The following RCHY1 variants were observed in gnomAD, a reference collection of about 807,000 sequenced individuals.
RCHY1 encodes ring finger and CHY zinc finger domain containing 1, also known as RING finger and CHY zinc finger domain-containing protein 1.
A neutral mutation model predicts 41.6 loss-of-function variants in RCHY1; 21 were observed. The observed-to-expected ratio is 0.51, with a 90% CI of 0.36 to 0.73. The LOEUF (loss-of-function observed/expected upper bound fraction) is 0.73, where lower values mean the gene tolerates loss of function less well. Among genes scored for constraint, RCHY1 ranks in the 30% least tolerant of loss-of-function variants. The pLI, the probability that RCHY1 is intolerant of heterozygous loss-of-function variation, is 0.00. For missense variants in RCHY1, 265 were observed against 325.3 expected, an observed-to-expected ratio of 0.81 and a Z score of 1.43; for synonymous variants, 79 against 102.9, an observed-to-expected ratio of 0.77 and a Z score of 1.41.
chr4:75,507,031 C>G (rs1003893521), intron 3 of RCHY1, among the ~76,000 whole-genome samples: 1 of 151,770 alleles, frequency 6.6e-6, no homozygotes, highest in Non-Finnish European at 1.5e-5. Flanking sequence ...ATTCTACACC[C>G]AGCAAAAATA....
intron 3 of RCHY1, among the ~76,000 whole-genome samples, chr4:75,502,581 C>A (rs1326089578): frequency 6.6e-6 from 1 of 152,104 alleles, no homozygotes; most frequent in African/African-American, 2.4e-5. Context: ...AGAAAATCTA[C>A]TTTTTCTTTA....
chr4:75,494,029 A>C, intron 4 of RCHY1, 72 bp downstream of exon 4: 1 of 886,672 alleles, frequency 1.1e-6, no homozygotes, highest in Non-Finnish European at 1.7e-6. Flanking sequence ...ATGCTTCCAA[A>C]ACATATTAGA....
At chr4:75,502,886 T>C (rs1723920561) in intron 3 of RCHY1, among the ~76,000 whole-genome samples, 1 of 152,096 alleles carries the variant, frequency 6.6e-6, no homozygotes, top group African/African-American at 2.4e-5. Flanking sequence ...ACATCATCTT[T>C]CCAGAAGGCA....
chr4:75,507,081 A>C (rs1344737210), intron 3 of RCHY1, among the ~76,000 whole-genome samples: 1 of 151,930 alleles, frequency 6.6e-6, no homozygotes, highest in Non-Finnish European at 1.5e-5. Flanking sequence ...TTTCAGAGAC[A>C]AAAAAAACTG....
chr4:75,495,622 A>G (rs1436177389), intron 3 of RCHY1, among the ~76,000 whole-genome samples: 1 of 152,030 alleles, frequency 6.6e-6, no homozygotes, highest in Non-Finnish European at 1.5e-5. Flanking sequence ...AGACAAGAAA[A>G]TATCTTATGG....
chr4:75,492,594 G>T (rs1049363760), intron 4 of RCHY1, among the ~76,000 whole-genome samples: 17 of 151,980 alleles, frequency 1.1e-4, no homozygotes, highest in African/African-American at 3.4e-4. Flanking sequence ...GGAGGTAAGG[G>T]AAAGCACTGT....
chr4:75,498,025 A>C (rs1229655128), intron 3 of RCHY1, among the ~76,000 whole-genome samples: 1 of 147,936 alleles, frequency 6.8e-6, no homozygotes, highest in Non-Finnish European at 1.5e-5. Context: ...GAGCAGAAAA[A>C]AATGAGAGTG....
At chr4:75,497,712 A>C (rs1329641868) in intron 3 of RCHY1, among the ~76,000 whole-genome samples, 1 of 152,130 alleles carries the variant, frequency 6.6e-6, no homozygotes, top group African/African-American at 2.4e-5. Flanking sequence ...AAGGAGGAGG[A>C]CCGAAAAAAC....
chr4:75,499,123 A>G (rs1260455262), intron 3 of RCHY1, among the ~76,000 whole-genome samples: 1 of 152,214 alleles, frequency 6.6e-6, no homozygotes, highest in Non-Finnish European at 1.5e-5. Flanking sequence ...AAAGACCTGT[A>G]CAGTAATTTC....
At chr4:75,490,335 G>A (rs1722631538) in intron 8 of RCHY1, among the ~76,000 whole-genome samples, 2 of 151,976 alleles carry the variant, frequency 1.3e-5, no homozygotes, top group African/African-American at 4.8e-5. Flanking sequence ...AATTCAGAAT[G>A]AAGTTTTTGC....
chr4:75,497,642 T>G (rs568688346), intron 3 of RCHY1, among the ~76,000 whole-genome samples: 1 of 152,146 alleles, frequency 6.6e-6, no homozygotes, highest in East Asian at 1.9e-4. Context: ...TAAGTTTAAT[T>G]TGTCTTAAGT....
At chr4:75,511,811 GA>G (rs750470842) in intron 1 of RCHY1, among the ~76,000 whole-genome samples, 144 of 128,558 alleles carry the variant, frequency 1.1e-3, no homozygotes, top group Middle Eastern at 3.8e-3. Context: ...TCAACAGACT[GA>G]AAAAAAAAAA....
chr4:75,485,915 T>C (rs553334665), intron 8 of RCHY1, among the ~76,000 whole-genome samples: 67 of 152,330 alleles, frequency 4.4e-4, no homozygotes, highest in Non-Finnish European at 8.2e-4. Context: ...GAGGTGTCTG[T>C]TGAATATAAT....
chr4:75,503,062 G>A (rs890741668), intron 3 of RCHY1, among the ~76,000 whole-genome samples: 1 of 152,102 alleles, frequency 6.6e-6, no homozygotes, highest in African/African-American at 2.4e-5. Context: ...TCTCCACCTA[G>A]GCAATATTTA....
At chr4:75,487,541 T>TATATATTCATATATATATTCATA (rs1722172884) in intron 8 of RCHY1, among the ~76,000 whole-genome samples, 1 of 118,390 alleles carries the variant, frequency 8.4e-6, no homozygotes, top group African/African-American at 3.6e-5. Context: ...ATATTCATAA[T>TATATATTCATATATATATTCATA]ATATATATTC....
intron 2 of RCHY1, 84 bp downstream of exon 2, chr4:75,509,093 T>C: frequency 7.3e-7 from 1 of 1,363,174 alleles, no homozygotes; most frequent in Non-Finnish European, 1.0e-6. Context: ...AAAGAAATCT[T>C]ATTTATGATA....
chr4:75,493,220 T>G (rs1722906824), intron 4 of RCHY1, among the ~76,000 whole-genome samples: 1 of 151,996 alleles, frequency 6.6e-6, no homozygotes, highest in Admixed American at 6.6e-5. Flanking sequence ...TCAAGTACCT[T>G]AAGCTGGGGC....
intron 3 of RCHY1, 176 bp from the exon 4 acceptor site, chr4:75,494,355 G>A (rs17000594): frequency 0.054 from 30,058 of 557,002 alleles, 1,424 homozygotes; most frequent in African/African-American, 0.18. Context: ...ACTATACACA[G>A]AGTGGTATCT....
At chr4:75,513,448 G>A (rs1360142287) in intron 1 of RCHY1, among the ~76,000 whole-genome samples, 2 of 152,086 alleles carry the variant, frequency 1.3e-5, no homozygotes, top group African/African-American at 2.4e-5. Context: ...TTTACATACG[G>A]GGTAGAGAGG....
Sources: allele counts gnomAD v4.1 joint callset (sites outside exome capture counted in the v4.1 genomes callset), GRCh38; gene constraint gnomAD v4.1.1; transcripts MANE v1.5; gene names NCBI Gene and HGNC (gene_info 2026-07-23, HGNC 2026-07-21).